The following MTCL1 variants were observed in gnomAD, a reference collection of about 807,000 sequenced individuals.
The protein encoded by MTCL1 is microtubule cross-linking factor 1.
MTCL1 carries 79 observed loss-of-function variants against 141.4 expected under a neutral mutation model. That is an observed-to-expected ratio of 0.56 (90% CI 0.47 to 0.67). The LOEUF (loss-of-function observed/expected upper bound fraction) is 0.67. MTCL1 is among the 30% of genes least tolerant of loss of function. The pLI, the probability that MTCL1 is intolerant of heterozygous loss-of-function variation, is 0.00. For missense variants in MTCL1, 2,177 were observed against 2,113.9 expected (o/e 1.03, Z -0.59); for synonymous variants, 914 against 875.8 (o/e 1.04, Z -0.77).
chr18:8,767,756 GA>G (rs376600763), intron 4 of MTCL1, among the ~76,000 whole-genome samples: 2,697 of 136,068 alleles, frequency 0.02, 43 homozygotes, highest in East Asian at 0.067. Flanking sequence ...TTTCTGATTT[GA>G]AAAAAAAAAA....
chr18:8,786,131 C>CCCCCCCCCCTTTT, intron 7 of MTCL1, 40 bp downstream of exon 6: 1 of 1,520,142 alleles, frequency 6.6e-7, no homozygotes, highest in Non-Finnish European at 8.9e-7. Flanking sequence ...CGCCCTCCCC[C>CCCCCCCCCCTTTT]TCCTTTTTCT....
In MTCL1 at chr18:8,822,149, C is replaced by T. The variant is rs67829988; in HGVS notation, c.3188+651C>T. Reference sequence around the variant, plus strand: ...ATGACTGTCCTCTTCCCATTTGCTCCCTGCCAGATCTCTGCAGCACCTAGC... The same window carrying T: ...ATGACTGTCCTCTTCCCATTTGCTCTCTGCCAGATCTCTGCAGCACCTAGC... On this transcript the variant is annotated intron_variant, in intron 14 of 16. Transcript: ENST00000359865. This position sits in a 1 kb window ranked among gnomAD's most constrained non-coding sequence, Gnocchi z 4.6. Among the ~76,000 whole-genome samples, 2,988 of 152,286 alleles carry T rather than the reference C, an allele frequency of 0.02. 84 individuals carry two copies. The highest frequency in any genetic ancestry group is 0.057 in the African/African-American group (2,370 of 41,554).
chr18:8,813,192 T>C lies in MTCL1; in HGVS notation c.2818T>C (p.Trp940Arg), dbSNP rs779428719. Reference sequence around the variant, plus strand: ...CCGCCTGGACAGAGATCGGCAGGAGTGGGAGCGGCAGAAGAAGGAATTCTT... The same window carrying C: ...CCGCCTGGACAGAGATCGGCAGGAGCGGGAGCGGCAGAAGAAGGAATTCTT... The change falls in exon 12 of 17, where the codon TGG becomes CGG. Residue 940 changes from tryptophan to arginine, a missense_variant. Trp to Arg is a moderately radical substitution (Grantham distance 101). Transcript: ENST00000359865. The C allele has an allele frequency of 2.4e-5, 38 of 1,608,818 alleles. No individual in the cohort carries two copies. Among genetic ancestry groups the C allele is most frequent in the Non-Finnish European group, 1.7e-5 (20 of 1,178,178 alleles).
At chr18:8,741,111 T>TA (rs1415301379) in intron 4 of MTCL1, among the ~76,000 whole-genome samples, 1 of 152,220 alleles carries the variant, frequency 6.6e-6, no homozygotes, top group African/African-American at 2.4e-5. Context: ...CAAATGTTCT[T>TA]ACTGTACAGC....
intron 4 of MTCL1, among the ~76,000 whole-genome samples, chr18:8,755,147 C>T (rs904725596): frequency 1.3e-5 from 2 of 152,216 alleles, no homozygotes; most frequent in African/African-American, 2.4e-5. Context: ...TAAATGGTAA[C>T]TTCTTAATGC....
At chr18:8,750,643 A>G (rs1363701594) in intron 4 of MTCL1, among the ~76,000 whole-genome samples, 1 of 152,218 alleles carries the variant, frequency 6.6e-6, no homozygotes, top group South Asian at 2.1e-4. Context: ...CTGGACCCCA[A>G]ATGCCTATAT....
At position 8,735,906 on chromosome 18, in the gene MTCL1, T is replaced by C. The variant is rs141581169; in HGVS notation, c.357+15410T>C. Among the ~76,000 whole-genome samples the C allele has an allele frequency of 2.6e-4, 39 of 152,314 alleles. No homozygotes were observed. In the East Asian group the frequency reaches 6.9e-3, roughly 27 times the overall value. On this transcript the variant is annotated intron_variant, in intron 4 of 16. Coordinates refer to ENST00000359865, the Ensembl canonical transcript of MTCL1. Reference sequence around the variant, plus strand: ...TGTAGGGGACAGAACAAATGCTTTATATATATTTTTTTTAACCAAAATATC... The same window carrying C: ...TGTAGGGGACAGAACAAATGCTTTACATATATTTTTTTTAACCAAAATATC...
chr18:8,785,235 G>A (rs2143578092), intron 6 of MTCL1, among the ~76,000 whole-genome samples: 1 of 152,246 alleles, frequency 6.6e-6, no homozygotes, highest in African/African-American at 2.4e-5. Context: ...AGGAGGCTAA[G>A]ACAAACGCAT....
intron 4 of MTCL1, among the ~76,000 whole-genome samples, chr18:8,773,122 G>A (rs983842613): frequency 6.6e-6 from 1 of 152,204 alleles, no homozygotes; most frequent in South Asian, 2.1e-4. Context: ...TAGAAGGTGC[G>A]GTGAAGAGTA....
chr18:8,828,930 C>T lies in MTCL1; in HGVS notation c.4745C>T (p.Ala1582Val). ...CAGAACCAAACTGTCTTGCTAACTG[C>T]CCCCTGGGGACTCTAGCCCTGCCCG... The change falls in exon 16 of 17, where the codon GCC (alanine) becomes GTC (valine). Residue 1582 changes from alanine (A) to valine (V), a missense_variant. By Grantham distance (64) the Ala-to-Val change is moderately conservative. Coordinates refer to ENST00000359865, the Ensembl canonical transcript of MTCL1. This position sits in a 1 kb window ranked among gnomAD's most constrained non-coding sequence, Gnocchi z 5.2. 1 of 1,614,186 alleles carries T rather than the reference C, an allele frequency of 6.2e-7. No individual in the cohort carries two copies. Among genetic ancestry groups the T allele is most frequent in the Non-Finnish European group, 8.5e-7 (1 of 1,180,006 alleles).
At chr18:8,786,315 A>C (rs1162653458) in intron 7 of MTCL1, 1 of 700,404 alleles carries the variant, frequency 1.4e-6, no homozygotes, top group Non-Finnish European at 2.6e-6. Flanking sequence ...ACAGAGGGAC[A>C]GCTCACTGTA....
exon 1 of MTCL1, chr18:8,706,244 G>A: frequency 1.6e-6 from 2 of 1,228,352 alleles, no homozygotes; most frequent in Non-Finnish European, 2.0e-6. Context: ...TCGGTGGCCG[G>A]GTCCCCGGCC....
chr18:8,785,668 A>C, intron 6 of MTCL1: 1 of 451,718 alleles, frequency 2.2e-6, no homozygotes, highest in Non-Finnish European at 4.0e-6. Flanking sequence ...TTGCACCCCC[A>C]CTTTCTCTTT....
At chr18:8,825,933 C>A in exon 15 of MTCL1, 1 of 1,605,882 alleles carries the variant, frequency 6.2e-7, no homozygotes, top group Non-Finnish European at 8.5e-7. Flanking sequence ...CTCAGCAGAG[C>A]CCCGACCAGA....
chr18:8,723,933 G>A (rs541148976), intron 4 of MTCL1, among the ~76,000 whole-genome samples: 2 of 149,070 alleles, frequency 1.3e-5, no homozygotes, highest in South Asian at 4.3e-4. Context: ...GAAATATCCA[G>A]AGTAGATAAA....
chr18:8,763,911 T>G (rs1465214259), intron 4 of MTCL1, among the ~76,000 whole-genome samples: 1 of 152,178 alleles, frequency 6.6e-6, no homozygotes, highest in Non-Finnish European at 1.5e-5. Context: ...GGGAGCGAAT[T>G]TTGTTGTTGA....
intron 4 of MTCL1, among the ~76,000 whole-genome samples, chr18:8,736,439 C>T (rs552209994): frequency 7.2e-5 from 11 of 152,246 alleles, no homozygotes; most frequent in African/African-American, 2.2e-4. Flanking sequence ...TTACATTAGC[C>T]TACAGTTGGG....
Position 8,793,121 on chromosome 18 carries a change from G to T in MTCL1, c.2010+1G>T. 1.2e-6 allele frequency: 2 copies of T among 1,613,460 alleles called. No homozygotes were observed. The highest frequency in any genetic ancestry group is 1.7e-6 in the Non-Finnish European group (2 of 1,179,682). On this transcript the variant is annotated splice_donor_variant, in intron 8 of 16. Transcript: ENST00000359865. LOFTEE classifies it high-confidence loss of function. The stretch of plus-strand genomic sequence containing the variant: ...GACATTTACAAACAAGATCCATAAG[G>T]TAAATATTTAACACGGACTCAGCAC...
chr18:8,756,814 A>G (rs567553264), intron 4 of MTCL1, among the ~76,000 whole-genome samples: 13 of 152,232 alleles, frequency 8.5e-5, no homozygotes, highest in African/African-American at 2.9e-4. Flanking sequence ...GTTGCAGTGA[A>G]TCCCAAGGAA....
Sources: gnomAD v4.1 joint callset for allele counts (sites outside exome capture counted in the v4.1 genomes callset) on GRCh38, gnomAD v4.1.1 for gene constraint, Gnocchi (gnomAD v3.1) non-coding constraint, MANE v1.5 for transcripts, NCBI Gene and HGNC (gene_info 2026-07-23, HGNC 2026-07-21) for gene names.